Variants in PLCG2 observed in about 807,000 individuals in gnomAD.
The protein encoded by PLCG2 is 1-phosphatidylinositol 4,5-bisphosphate phosphodiesterase gamma-2.
Under a neutral mutation model 175.6 loss-of-function variants are expected in PLCG2, and 69 were observed. The observed-to-expected ratio is 0.39, with a 90% CI of 0.32 to 0.48. The LOEUF (loss-of-function observed/expected upper bound fraction) is 0.48, where lower values mean the gene tolerates loss of function less well. Ranked by LOEUF, PLCG2 falls within the 20% of genes least tolerant of loss-of-function variation. PLCG2 has a pLI of 0.91. For missense variants in PLCG2, 1,798 were observed against 1,650.9 expected (o/e 1.09, Z -1.54); for synonymous variants, 827 against 624.0 (o/e 1.33, Z -4.85).
Position 81,744,260 on chromosome 16 carries a change from T to C in PLCG2, c.-145+4875T>C, listed in dbSNP as rs548023988. ...TTGGCTCACTGTCAGCTCCGGCTCC[T>C]GGGTTCACGCCATTCTGCCTCAGCC... On this transcript the variant is annotated intron_variant, in intron 1 of 5. Transcript: ENST00000565054. 6.5e-4 allele frequency among the ~76,000 whole-genome samples: 99 copies of C among 151,166 alleles called. No individual in the cohort carries two copies. The East Asian group carries it at 0.013, about 20-fold the overall frequency.
At chr16:81,760,229 A>G (rs1185139351) in intron 2 of PLCG2, among the ~76,000 whole-genome samples, 1 of 152,242 alleles carries the variant, frequency 6.6e-6, no homozygotes, top group Non-Finnish European at 1.5e-5. Context: ...ATAGCCAGAA[A>G]CAAAGCACAA....
At chr16:81,850,457 G>A (rs913197865) in intron 2 of PLCG2, among the ~76,000 whole-genome samples, 1 of 152,172 alleles carries the variant, frequency 6.6e-6, no homozygotes, top group African/African-American at 2.4e-5. Flanking sequence ...TCAGATTTCT[G>A]GTTTGGGTGA....
At chr16:81,952,287 A>G (rs2143769956) in intron 31 of PLCG2, among the ~76,000 whole-genome samples, 1 of 152,250 alleles carries the variant, frequency 6.6e-6, no homozygotes, top group East Asian at 1.9e-4. Flanking sequence ...TCACACGTAG[A>G]TGAATAAATG....
rs1911763329 is a variant in PLCG2, at chr16:81,961,130, C to CTT, written c.*3132_*3133insTT. On this transcript the variant is annotated 3_prime_UTR_variant, in exon 33 of 33. Transcript: ENST00000564138. Reference sequence around the variant, plus strand: ...TTTGCTTTCAACAAAGTGGGAGGAACAGCCTGTAGATTTCTGAGTCTCTTA... The same window carrying CTT: ...TTTGCTTTCAACAAAGTGGGAGGAACTTAGCCTGTAGATTTCTGAGTCTCTTA... 1.3e-5 allele frequency: 3 copies of CTT among 231,036 alleles called. No homozygotes were observed. The highest frequency in any genetic ancestry group is 6.6e-5 in the African/African-American group (3 of 45,248). The allele number at this position is 231,036 out of a possible 1,614,324, so 14.3% of individuals were successfully genotyped here.
intron 14 of PLCG2, among the ~76,000 whole-genome samples, chr16:81,902,308 C>A (rs1909185345): frequency 6.6e-6 from 1 of 152,022 alleles, no homozygotes; most frequent in Non-Finnish European, 1.5e-5. Context: ...CACAAAATAC[C>A]CTAAGCTGGG....
At chr16:81,940,757 T>C (rs1186566854) in intron 30 of PLCG2, among the ~76,000 whole-genome samples, 2 of 152,206 alleles carry the variant, frequency 1.3e-5, no homozygotes, top group African/African-American at 4.8e-5. Context: ...ACCCTGCTGC[T>C]TCTAGAGCCA....
chr16:81,831,415 G>A (rs921888720), intron 2 of PLCG2, among the ~76,000 whole-genome samples: 9 of 152,200 alleles, frequency 5.9e-5, no homozygotes, highest in Admixed American at 2.0e-4. Context: ...CAGGCTGTGT[G>A]CCAGGCACTG....
chr16:81,862,168 C>T (rs1426283504), intron 5 of PLCG2, among the ~76,000 whole-genome samples: 1 of 152,204 alleles, frequency 6.6e-6, no homozygotes, highest in Non-Finnish European at 1.5e-5. Context: ...ATCGTGTTTC[C>T]TGAAGGAAAA....
intron 22 of PLCG2, among the ~76,000 whole-genome samples, chr16:81,926,467 G>A (rs1191915574): frequency 1.3e-5 from 2 of 152,216 alleles, no homozygotes; most frequent in Non-Finnish European, 2.9e-5. Context: ...GATGGATTAT[G>A]TCCCGTGTTG....
At chr16:81,822,938 C>G (rs4322655) in intron 2 of PLCG2, among the ~76,000 whole-genome samples, 103,573 of 152,032 alleles carry the variant, frequency 0.68, 35,578 homozygotes, top group East Asian at 0.91. Flanking sequence ...GGTTTTCCCT[C>G]GGAGCCTCCA....
At chr16:81,955,941 T>G (rs976494081) in intron 31 of PLCG2, among the ~76,000 whole-genome samples, 1 of 152,232 alleles carries the variant, frequency 6.6e-6, no homozygotes, top group Admixed American at 6.5e-5. Flanking sequence ...AATCACTCAT[T>G]TAAAGTGTAC....
chr16:81,799,448 A>T (rs1279505034), intron 2 of PLCG2, among the ~76,000 whole-genome samples: 2 of 152,178 alleles, frequency 1.3e-5, no homozygotes, highest in African/African-American at 4.8e-5. Flanking sequence ...TTTTTGAGGC[A>T]GGGTCTTGCT....
intron 2 of PLCG2, among the ~76,000 whole-genome samples, chr16:81,829,864 G>T (rs976463432): frequency 2.0e-5 from 3 of 151,736 alleles, no homozygotes; most frequent in Admixed American, 6.6e-5. Context: ...ACCTCTGAGT[G>T]GGGGGGCGTG....
chr16:81,900,800 C>G lies in PLCG2; in HGVS notation c.1362+20C>G. On this transcript the variant is annotated intron_variant, in intron 14 of 32. Coordinates refer to ENST00000564138, the MANE Select transcript of PLCG2 (RefSeq NM_002661.5). Reference sequence around the variant, plus strand: ...ATCAAGGTAGGCACCCCGGGTGCTGCTGTTGGCTGTCCAGGGAGCCCAGTG... The same window carrying G: ...ATCAAGGTAGGCACCCCGGGTGCTGGTGTTGGCTGTCCAGGGAGCCCAGTG... 4.4e-6 allele frequency: 7 copies of G among 1,586,598 alleles called. No homozygotes were observed. Among genetic ancestry groups the G allele is most frequent in the Non-Finnish European group, 5.2e-6 (6 of 1,158,274 alleles).
intron 2 of PLCG2, among the ~76,000 whole-genome samples, chr16:81,787,870 A>T (rs935954687): frequency 6.6e-6 from 1 of 152,062 alleles, no homozygotes; most frequent in Non-Finnish European, 1.5e-5. Flanking sequence ...AGCATTTTTC[A>T]AGGTTCATCC....
chr16:81,891,663 G>C, intron 11 of PLCG2, 73 bp downstream of exon 11: 1 of 845,372 alleles, frequency 1.2e-6, no homozygotes, highest in East Asian at 2.4e-5. Flanking sequence ...GGTCCGATAC[G>C]CCGCTCCGGT....
Position 81,769,471 on chromosome 16 carries a change from C to G in PLCG2, c.-48+13505C>G, listed in dbSNP as rs1206933008. 2.6e-5 allele frequency among the ~76,000 whole-genome samples: 4 copies of G among 152,148 alleles called. No homozygotes were observed. In the East Asian group the frequency reaches 7.7e-4, roughly 29 times the overall value. Reference sequence around the variant, plus strand: ...GCATCTCAGACTTTTCTAAGGCCCCCCAGGAGAGGTGAGAGTCCTCTGTAG... The same window carrying G: ...GCATCTCAGACTTTTCTAAGGCCCCGCAGGAGAGGTGAGAGTCCTCTGTAG... On this transcript the variant is annotated intron_variant, in intron 2 of 5. Coordinates refer to the PLCG2 transcript ENST00000565054.
chr16:81,804,181 G>T (rs1911888193), intron 2 of PLCG2, among the ~76,000 whole-genome samples: 1 of 152,158 alleles, frequency 6.6e-6, no homozygotes, highest in Admixed American at 6.5e-5. Context: ...ATGTATGAGG[G>T]CTCCAACTTC....
At chr16:81,897,965 A>T (rs532481467) in intron 13 of PLCG2, 1 of 428,908 alleles carries the variant, frequency 2.3e-6, no homozygotes, top group Non-Finnish European at 4.7e-6. Context: ...CAATGAAGGC[A>T]TATGATTTCT....
Sources: gnomAD v4.1 joint callset for allele counts (sites outside exome capture counted in the v4.1 genomes callset) on GRCh38, gnomAD v4.1.1 for gene constraint, MANE v1.5 for transcripts, NCBI Gene and HGNC (gene_info 2026-07-23, HGNC 2026-07-21) for gene names.